The following TRAIP variants were observed in gnomAD, a reference collection of about 807,000 sequenced individuals.
TRAIP encodes the protein E3 ubiquitin-protein ligase TRAIP.
In TRAIP, 37 loss-of-function variants were observed where a neutral mutation model predicts 65.0. That is an observed-to-expected ratio of 0.57 (90% CI 0.44 to 0.75). The LOEUF is 0.75. Ranked by LOEUF, TRAIP falls within the 30% of genes least tolerant of loss-of-function variation. The pLI is 0.00. For missense variants in TRAIP, 481 were observed against 579.4 expected (o/e 0.83, Z 1.74); for synonymous variants, 187 against 219.1 (o/e 0.85, Z 1.29).
At chr3:49,851,654 G>A (rs1229757254) in intron 1 of TRAIP, among the ~76,000 whole-genome samples, 2 of 151,758 alleles carry the variant, frequency 1.3e-5, no homozygotes, top group Non-Finnish European at 2.9e-5. Context: ...ACCTCCCAAA[G>A]TGCTGGGATT....
Position 49,843,789 on chromosome 3 carries a change from C to T in TRAIP, c.408+12G>A. 1 of 1,610,530 alleles carries T rather than the reference C, an allele frequency of 6.2e-7. No homozygotes were observed. Among genetic ancestry groups the T allele is most frequent in the Non-Finnish European group, 8.5e-7 (1 of 1,177,022 alleles). On this transcript the variant is annotated intron_variant, in intron 5 of 14. Transcript: ENST00000331456. ...CCTATGAATTCTGTACCCATAAAAC[C>T]TGAGGACCTACTTTCAGTGTGGAGC...
chr3:49,848,119 G>T (rs781547649), intron 2 of TRAIP, 24 bp downstream of exon 2: 1 of 1,613,702 alleles, frequency 6.2e-7, no homozygotes, highest in Non-Finnish European at 8.5e-7. Context: ...TTCAGTTGAG[G>T]TGGTCCCACC....
chr3:49,846,690 C>T (rs1374787377), intron 3 of TRAIP, among the ~76,000 whole-genome samples: 2 of 152,096 alleles, frequency 1.3e-5, no homozygotes, highest in Non-Finnish European at 2.9e-5. Context: ...CCAAGTCTCA[C>T]CTCTATAACT....
chr3:49,834,734 T>C (rs900055465), intron 10 of TRAIP, among the ~76,000 whole-genome samples: 1 of 152,012 alleles, frequency 6.6e-6, no homozygotes, highest in African/African-American at 2.4e-5. Flanking sequence ...CCCACATAGG[T>C]TGGCCTCCAA....
chr3:49,842,646 T>C (rs748657419), intron 5 of TRAIP, 99 bp from the exon 6 acceptor site: 9 of 1,163,014 alleles, frequency 7.7e-6, no homozygotes, highest in South Asian at 1.3e-5. Context: ...CTGCAGCTTA[T>C]GTTTTGAAAA....
Position 49,856,280 on chromosome 3 carries a change from G to A in TRAIP, c.98+76C>T. 4.6e-6 allele frequency: 6 copies of A among 1,308,702 alleles called. No individual in the cohort carries two copies. In the South Asian group the frequency reaches 7.6e-5, roughly 17 times the overall value. 81.1% of individuals were successfully genotyped at this position (1,308,702 alleles called of 1,614,324 possible). ...CTTGTCTGGATTCCGGGGTTGGACC[G>A]CCTGGAGGCCCAACACCTCAAGGCC... On this transcript the variant is annotated intron_variant, in intron 1 of 14. Coordinates refer to ENST00000331456, the MANE Select transcript of TRAIP (RefSeq NM_005879.3).
At position 49,839,585 on chromosome 3, in the gene TRAIP, C is replaced by T. The variant is rs2081819433; in HGVS notation, c.884+187G>A. 4 of 609,496 alleles carry T rather than the reference C, an allele frequency of 6.6e-6. No homozygotes were observed. The East Asian group carries it at 1.1e-4, about 17-fold the overall frequency. 37.8% of individuals were successfully genotyped at this position (609,496 alleles called of 1,614,324 possible). ...GGTCCTCTGGCCTTCTCTGGCCTCT[C>T]CGTGTCAGAGCCTAATTTGCTTCAA... On this transcript the variant is annotated intron_variant, in intron 10 of 14. Coordinates refer to ENST00000331456, the MANE Select transcript of TRAIP (RefSeq NM_005879.3).
At position 49,839,767 on chromosome 3, in the gene TRAIP, C is replaced by A. The variant is rs2081820919; in HGVS notation, c.884+5G>T. On this transcript the variant is annotated splice_donor_5th_base_variant and intron_variant, in intron 10 of 14. Transcript: ENST00000331456. ...GACCCCTGTACCGCCCAAGGCTCAA[C>A]AAACCTCTCTAAAACCAGGCGGTCG... is the stretch of plus-strand genomic sequence containing the variant. 1.2e-6 allele frequency: 2 copies of A among 1,613,958 alleles called. No individual in the cohort carries two copies. The highest frequency in any genetic ancestry group is 2.7e-5 in the African/African-American group (2 of 74,946).
chr3:49,848,484 C>G (rs925812645), intron 1 of TRAIP, among the ~76,000 whole-genome samples: 1 of 152,082 alleles, frequency 6.6e-6, no homozygotes, highest in African/African-American at 2.4e-5. Context: ...AGATGATAGT[C>G]GAAGCTCAGG....
At chr3:49,848,253 A>G (rs1305375582) in intron 1 of TRAIP, 53 bp from the exon 2 acceptor site, 1 of 1,594,830 alleles carries the variant, frequency 6.3e-7, no homozygotes, top group Non-Finnish European at 8.6e-7. Flanking sequence ...GTCTGGGGAC[A>G]TAAGCCAGGC....
Position 49,829,516 on chromosome 3 carries a change from G to A in TRAIP, c.1237-8C>T. 1.9e-6 allele frequency: 3 copies of A among 1,614,144 alleles called. No homozygotes were observed. Among genetic ancestry groups the A allele is most frequent in the East Asian group, 2.2e-5 (1 of 44,878 alleles). ...ATCGAAGCCTGTCCTTACCTAGGGT[G>A]GAAGGAAGAGATGAGTGGGCCAGGC... On this transcript the variant is annotated splice_polypyrimidine_tract_variant and splice_region_variant and intron_variant, in intron 13 of 14. Transcript: ENST00000331456.
rs146175744 is a variant in TRAIP, at chr3:49,847,419, A to AAAGAG, written c.240+101_240+105dup. The AAAGAG allele has an allele frequency of 1.1e-3, 804 of 746,130 alleles. 4 individuals are homozygous for AAAGAG. The African/African-American group carries it at 0.011, about 10-fold the overall frequency. The allele number at this position is 746,130 out of a possible 1,614,324, so 46.2% of individuals were successfully genotyped here. A position where few individuals can be genotyped will look rare whatever the true frequency, so the allele number is the denominator to read the frequency against. On this transcript the variant is annotated intron_variant, in intron 3 of 14. Transcript: ENST00000331456. ...AGAAAAGAAAAGAAAAGAAAAGAGAAAAGAGAAGAGAAGAGAAGAGAAGAG... is the reference window on the plus strand; with the variant it reads ...AGAAAAGAAAAGAAAAGAAAAGAGAAAAGAGAAGAGAAGAGAAGAGAAGAGAAGAG...
chr3:49,828,918 G>A lies in TRAIP; in HGVS notation c.*185C>T. On this transcript the variant is annotated 3_prime_UTR_variant, in exon 15 of 15. Coordinates refer to ENST00000331456, the MANE Select transcript of TRAIP (RefSeq NM_005879.3). The stretch of plus-strand genomic sequence containing the variant: ...TGGTCATGTCAGCTCCCAGTCGTAG[G>A]AGTGGGGCAGGGTGAGGGCAGGAAG... 1 of 741,862 alleles carries A rather than the reference G, an allele frequency of 1.3e-6. No individual in the cohort carries two copies. The highest frequency in any genetic ancestry group is 2.2e-6 in the Non-Finnish European group (1 of 444,984). The allele number at this position is 741,862 out of a possible 1,614,324, so 46.0% of individuals were successfully genotyped here.
intron 1 of TRAIP, among the ~76,000 whole-genome samples, chr3:49,855,331 T>C (rs2081961793): frequency 6.6e-6 from 1 of 150,938 alleles, no homozygotes; most frequent in African/African-American, 2.4e-5. Context: ...GCCTGTAATG[T>C]CAGCTACTTG....
In TRAIP at chr3:49,828,898, A is replaced by G. The variant is rs2081705939; in HGVS notation, c.*205T>C. ...TGCTGACAGGATCAGTGGGCTGGTC[A>G]TGTCAGCTCCCAGTCGTAGGAGTGG... On this transcript the variant is annotated 3_prime_UTR_variant, in exon 15 of 15. Coordinates refer to ENST00000331456, the MANE Select transcript of TRAIP (RefSeq NM_005879.3). 4 of 627,376 alleles carry G rather than the reference A, an allele frequency of 6.4e-6. No individual in the cohort carries two copies. Among genetic ancestry groups the G allele is most frequent in the Non-Finnish European group, 1.1e-5 (4 of 359,710 alleles). 38.9% of individuals were successfully genotyped at this position (627,376 alleles called of 1,614,324 possible).
At position 49,829,935 on chromosome 3, in the gene TRAIP, G is replaced by A. The variant is rs535029641; in HGVS notation, c.1086+85C>T. ...GAAGTACCTCAGTCCTGGACCAGGA[G>A]TGACAAGGCTCTGGCAAGACCGTGC... is the stretch of plus-strand genomic sequence containing the variant. On this transcript the variant is annotated intron_variant, in intron 12 of 14. Transcript: ENST00000331456. The A allele has an allele frequency of 6.3e-4, 1,000 of 1,586,642 alleles. 4 individuals are homozygous for A. Among genetic ancestry groups the A allele is most frequent in the Middle Eastern group, 3.3e-3 (19 of 5,786 alleles).
chr3:49,839,200 G>GA lies in TRAIP; in HGVS notation c.884+571dup, dbSNP rs771963914. 3.4e-3 allele frequency among the ~76,000 whole-genome samples: 460 copies of GA among 134,708 alleles called. 3 individuals carry two copies. Among genetic ancestry groups the GA allele is most frequent in the Middle Eastern group, 0.011 (3 of 266 alleles). The allele number at this position is 134,708 out of a possible 152,430, so 88.4% of individuals were successfully genotyped here. A position where few individuals can be genotyped will look rare whatever the true frequency, so the allele number is the denominator to read the frequency against. ...AAGACTCCATTAAAAAAAGAAAAAG[G>GA]AAAAAAAAAAAAAAGACTGGGGCCA... is the stretch of plus-strand genomic sequence containing the variant. On this transcript the variant is annotated intron_variant, in intron 10 of 14. Coordinates refer to ENST00000331456, the MANE Select transcript of TRAIP (RefSeq NM_005879.3).
At chr3:49,844,038 G>C in intron 4 of TRAIP, 110 bp from the exon 5 acceptor site, 1 of 1,444,830 alleles carries the variant, frequency 6.9e-7, no homozygotes, top group Non-Finnish European at 9.3e-7. Flanking sequence ...TGAGAAACAA[G>C]GCTCAGGCCT....
intron 3 of TRAIP, 105 bp downstream of exon 3, chr3:49,847,405 GAAAAGAAAAGAGAAA>G (rs1362782013): frequency 1.4e-6 from 1 of 730,512 alleles, no homozygotes; most frequent in African/African-American, 1.9e-5. Context: ...GAAAAGAAAA[GAAAAGAAAAGAGAAA>G]AGAGAAGAGA....
Sources: allele counts gnomAD v4.1 joint callset (sites outside exome capture counted in the v4.1 genomes callset), GRCh38; gene constraint gnomAD v4.1.1; transcripts MANE v1.5; gene names NCBI Gene and HGNC (gene_info 2026-07-23, HGNC 2026-07-21).